PEAK1: variants seen among roughly 807,000 people sequenced by gnomAD.
PEAK1 encodes inactive tyrosine-protein kinase PEAK1.
In PEAK1, 54 loss-of-function variants were observed where a neutral mutation model predicts 124.7. The ratio of observed to expected loss-of-function variants is 0.43; its 90% CI spans 0.35 to 0.54. PEAK1 has a LOEUF of 0.54. Among genes scored for constraint, PEAK1 ranks in the 20% least tolerant of loss-of-function variants. The probability of loss-of-function intolerance (pLI) is 0.01; values close to 1 mark genes in which losing one functional copy is unlikely to be tolerated. For missense variants in PEAK1, 2,046 were observed against 2,134.5 expected (o/e 0.96, Z 0.82); for synonymous variants, 719 against 760.0 (o/e 0.95, Z 0.89).
In PEAK1 at chr15:77,411,729, T is replaced by G. The variant is rs75311528; in HGVS notation, c.-666+8277A>C. Among the ~76,000 whole-genome samples, 76 of 152,278 alleles carry G rather than the reference T, an allele frequency of 5.0e-4. No homozygotes were observed. The East Asian group carries it at 0.014, about 28-fold the overall frequency. On this transcript the variant is annotated intron_variant, in intron 1 of 9. Coordinates refer to ENST00000682557, the MANE Select transcript of PEAK1 (RefSeq NM_001385026.1). ...CAAGTAATCCTCCTGCCTCAGCCACTTAAGTAGCTAAAACAGGCATGGGCC... is the reference window on the plus strand; with the variant it reads ...CAAGTAATCCTCCTGCCTCAGCCACGTAAGTAGCTAAAACAGGCATGGGCC...
At chr15:77,248,644 T>A (rs951969680) in intron 6 of PEAK1, among the ~76,000 whole-genome samples, 2 of 152,166 alleles carry the variant, frequency 1.3e-5, no homozygotes, top group African/African-American at 4.8e-5. Context: ...ATACTAAATA[T>A]GCTGGTACTT....
Position 77,179,799 on chromosome 15 carries a change from T to A in PEAK1, c.2128A>T (p.Asn710Tyr), listed in dbSNP as rs200596428. Residue 710 changes from asparagine to tyrosine, a missense_variant, in exon 7 of 10, where the codon AAC (asparagine) becomes TAC (tyrosine). Asn to Tyr is a moderately radical substitution (Grantham distance 143). Transcript: ENST00000682557. ...GACTGACCTCTGTTGAGACAGTTGTTAAACTCTTGAACCTTCTGAGCCACT... is the reference window on the plus strand; with the variant it reads ...GACTGACCTCTGTTGAGACAGTTGTAAAACTCTTGAACCTTCTGAGCCACT... ...GSVAQKVQEFNNCLNRGQSSP... is the reference protein window; with the variant it reads ...GSVAQKVQEFYNCLNRGQSSP... 2.5e-5 allele frequency: 40 copies of A among 1,614,168 alleles called. No individual in the cohort carries two copies. Among genetic ancestry groups the A allele is most frequent in the Non-Finnish European group, 3.2e-5 (38 of 1,180,012 alleles).
At chr15:77,211,943 C>T (rs1035859064) in intron 6 of PEAK1, among the ~76,000 whole-genome samples, 1 of 150,626 alleles carries the variant, frequency 6.6e-6, no homozygotes, top group Non-Finnish European at 1.5e-5. Flanking sequence ...AATACTGTTT[C>T]CTTCTCTGGT....
chr15:77,335,827 A>G, intron 2 of PEAK1: 1 of 985,332 alleles, frequency 1.0e-6, no homozygotes, highest in Non-Finnish European at 1.2e-6. Flanking sequence ...CTTCTAGGTA[A>G]TGGTTTCCAA....
chr15:77,155,672 T>C (rs1345979674), intron 8 of PEAK1: 2 of 152,322 alleles, frequency 1.3e-5, no homozygotes, highest in Admixed American at 6.5e-5. Context: ...GGTGTGGATG[T>C]CCTTTCTGTT....
rs1040845864 is a variant in PEAK1 at position 77,346,878 on chromosome 15, G to A, written c.-603+18285C>T. The A allele has an allele frequency of 2.0e-5, 9 of 455,506 alleles. No homozygotes were observed. In the South Asian group the frequency reaches 7.5e-4, roughly 38 times the overall value. The allele number at this position is 455,506 out of a possible 1,614,324, so 28.2% of individuals were successfully genotyped here. A position where few individuals can be genotyped will look rare whatever the true frequency, so the allele number is the denominator to read the frequency against. On this transcript the variant is annotated intron_variant, in intron 2 of 9. Transcript: ENST00000682557. ...ATGTCCCTTTGTCCCCATCAGAGGA[G>A]ATTAATGAGAAATAACAGCTACCAA...
At chr15:77,233,084 GAT>G (rs1273128521) in intron 6 of PEAK1, among the ~76,000 whole-genome samples, 10 of 152,048 alleles carry the variant, frequency 6.6e-5, no homozygotes, top group Admixed American at 5.9e-4. Flanking sequence ...CTCCATTCCA[GAT>G]AATTCCCACT....
intron 5 of PEAK1, among the ~76,000 whole-genome samples, chr15:77,260,704 A>G (rs1164880868): frequency 6.6e-6 from 1 of 152,220 alleles, no homozygotes; most frequent in Non-Finnish European, 1.5e-5. Context: ...GCTCTAGTCT[A>G]CAGCTCCCAG....
At chr15:77,205,051 C>T (rs2058565745) in intron 6 of PEAK1, 2 of 184,930 alleles carry the variant, frequency 1.1e-5, no homozygotes, top group South Asian at 2.0e-4. Flanking sequence ...AAAAACGAGG[C>T]ATGTCCAGCC....
chr15:77,267,350 C>T (rs1186374073), intron 5 of PEAK1, among the ~76,000 whole-genome samples: 1 of 152,036 alleles, frequency 6.6e-6, no homozygotes, highest in African/African-American at 2.4e-5. Context: ...CCTCCCTATA[C>T]TACCACAGCT....
intron 1 of PEAK1, among the ~76,000 whole-genome samples, chr15:77,368,309 A>G (rs2068398711): frequency 6.6e-6 from 1 of 152,162 alleles, no homozygotes; most frequent in Non-Finnish European, 1.5e-5. Flanking sequence ...TGAGGTCAGG[A>G]GTTCCAGACC....
intron 6 of PEAK1, among the ~76,000 whole-genome samples, chr15:77,234,517 T>C (rs868274802): frequency 9.2e-5 from 14 of 152,000 alleles, no homozygotes; most frequent in African/African-American, 2.9e-4. Flanking sequence ...AAGCACAAAA[T>C]AGTAAAAGGA....
chr15:77,344,532 T>G (rs769180723), intron 2 of PEAK1, among the ~76,000 whole-genome samples: 24 of 152,216 alleles, frequency 1.6e-4, no homozygotes, highest in Non-Finnish European at 3.1e-4. Context: ...TTCAAGATTG[T>G]TTTGGCTATT....
intron 5 of PEAK1, among the ~76,000 whole-genome samples, chr15:77,271,844 T>C (rs980792993): frequency 1.3e-5 from 2 of 152,102 alleles, no homozygotes; most frequent in Non-Finnish European, 2.9e-5. Context: ...GACGAGTTAA[T>C]GGGTGCAGCA....
chr15:77,403,486 T>C, intron 1 of PEAK1: 1 of 947,482 alleles, frequency 1.1e-6, no homozygotes, highest in Non-Finnish European at 1.3e-6. Flanking sequence ...AGTAAAGAAC[T>C]TAAATAAGAA....
chr15:77,100,763 A>C (rs1268705124), exon 7 of PEAK1: 1 of 152,264 alleles, frequency 6.6e-6, no homozygotes, highest in Non-Finnish European at 1.5e-5. Context: ...AGCCAGCTAC[A>C]TCCAAGGACA....
chr15:77,324,624 G>C (rs184706570), intron 2 of PEAK1, among the ~76,000 whole-genome samples: 1 of 152,292 alleles, frequency 6.6e-6, no homozygotes, highest in African/African-American at 2.4e-5. Flanking sequence ...AAGCACAGCA[G>C]CATCTGGTTC....
chr15:77,417,759 G>A (rs1056090149), intron 1 of PEAK1: 1 of 985,436 alleles, frequency 1.0e-6, no homozygotes, highest in Non-Finnish European at 1.2e-6. Flanking sequence ...TCTCTCTCAT[G>A]AAGCAAATGC....
At chr15:77,352,615 C>T in intron 2 of PEAK1, 1 of 950,582 alleles carries the variant, frequency 1.1e-6, no homozygotes, top group Non-Finnish European at 1.3e-6. Flanking sequence ...AACTTCATAC[C>T]ATACTCATGA....
Sources: gnomAD v4.1 joint callset for allele counts (sites outside exome capture counted in the v4.1 genomes callset) on GRCh38, gnomAD v4.1.1 for gene constraint, MANE v1.5 for transcripts, NCBI Gene and HGNC (gene_info 2026-07-23, HGNC 2026-07-21) for gene names.